Variants in PPM1L observed in about 807,000 individuals in gnomAD.
PPM1L encodes protein phosphatase 1L.
A neutral mutation model predicts 31.4 loss-of-function variants in PPM1L; 13 were observed. The observed-to-expected ratio is 0.41, with a 90% CI of 0.27 to 0.66. PPM1L has a LOEUF of 0.66. Among genes scored for constraint, PPM1L ranks in the 30% least tolerant of loss-of-function variants. The pLI is 0.29. For missense variants in PPM1L, 326 were observed against 453.7 expected (o/e 0.72, Z 2.56); for synonymous variants, 184 against 175.4 (o/e 1.05, Z -0.39).
intron 1 of PPM1L, among the ~76,000 whole-genome samples, chr3:160,774,243 CCTT>C (rs1421304318): frequency 6.6e-6 from 1 of 152,084 alleles, no homozygotes; most frequent in African/African-American, 2.4e-5. Context: ...TTTCCTTCTT[CCTT>C]CTTCATGCAA....
At chr3:160,969,671 C>A (rs1716260356) in intron 2 of PPM1L, among the ~76,000 whole-genome samples, 1 of 152,156 alleles carries the variant, frequency 6.6e-6, no homozygotes, top group Non-Finnish European at 1.5e-5. Context: ...ATCAGGACCC[C>A]ATTTCTTAGC....
chr3:160,944,442 C>G (rs564903237), intron 1 of PPM1L, among the ~76,000 whole-genome samples: 345 of 151,020 alleles, frequency 2.3e-3, no homozygotes, highest in African/African-American at 8.2e-3. Context: ...TTTATAATGT[C>G]TGGGTGTATT....
intron 2 of PPM1L, among the ~76,000 whole-genome samples, chr3:161,003,255 T>C (rs1717570344): frequency 2.0e-5 from 3 of 149,908 alleles, no homozygotes; most frequent in Admixed American, 6.6e-5. Context: ...TGTAGTATAG[T>C]TTGAAGTCAG....
intron 1 of PPM1L, among the ~76,000 whole-genome samples, chr3:160,835,369 G>A (rs1055331407): frequency 9.9e-5 from 15 of 151,352 alleles, no homozygotes; most frequent in African/African-American, 3.4e-4. Context: ...CCTTACTGAG[G>A]CTGTGATCTG....
At chr3:160,802,892 C>A (rs1302605375) in intron 1 of PPM1L, among the ~76,000 whole-genome samples, 2 of 152,148 alleles carry the variant, frequency 1.3e-5, no homozygotes, top group Non-Finnish European at 2.9e-5. Context: ...TTAAAAATCT[C>A]ACTACTCATG....
chr3:160,996,372 AAAATACGG>A (rs1157413967), intron 2 of PPM1L, among the ~76,000 whole-genome samples: 1 of 152,230 alleles, frequency 6.6e-6, no homozygotes, highest in African/African-American at 2.4e-5. Context: ...CACAATTGCA[AAAATACGG>A]AACCCACCCA....
chr3:161,047,188 AC>A (rs1377148357), intron 2 of PPM1L, among the ~76,000 whole-genome samples: 1 of 152,074 alleles, frequency 6.6e-6, no homozygotes, highest in Non-Finnish European at 1.5e-5. Flanking sequence ...TATTTAGAAA[AC>A]CCCGTCATCT....
At chr3:161,032,873 T>C (rs1718618609) in intron 2 of PPM1L, among the ~76,000 whole-genome samples, 1 of 147,766 alleles carries the variant, frequency 6.8e-6, no homozygotes, top group Non-Finnish European at 1.5e-5. Flanking sequence ...TGTATTTTTT[T>C]TTTTTTTTTT....
intron 1 of PPM1L, among the ~76,000 whole-genome samples, chr3:160,833,377 CT>C (rs1361730038): frequency 6.6e-6 from 1 of 152,216 alleles, no homozygotes; most frequent in Non-Finnish European, 1.5e-5. Context: ...GATGGTTGAA[CT>C]AATTTACATT....
intron 2 of PPM1L, among the ~76,000 whole-genome samples, chr3:161,005,068 A>T (rs1030942266): frequency 6.6e-6 from 1 of 152,102 alleles, no homozygotes; most frequent in Non-Finnish European, 1.5e-5. Context: ...TTCAAAGAAC[A>T]TCTTTATTTC....
intron 1 of PPM1L, among the ~76,000 whole-genome samples, chr3:160,762,565 TA>T (rs946479801): frequency 3.3e-5 from 5 of 151,958 alleles, no homozygotes; most frequent in African/African-American, 4.8e-5. Context: ...GAGCTTTTTT[TA>T]AAAAAAATAG....
At chr3:160,827,603 A>G (rs1296163719) in intron 1 of PPM1L, among the ~76,000 whole-genome samples, 1 of 152,078 alleles carries the variant, frequency 6.6e-6, no homozygotes, top group Non-Finnish European at 1.5e-5. Flanking sequence ...GAGTTAAGAT[A>G]GAAAGTATAA....
At chr3:161,058,145 C>T (rs1445729517) in intron 2 of PPM1L, among the ~76,000 whole-genome samples, 9 of 3,074 alleles carry the variant, frequency 2.9e-3, no homozygotes, top group Non-Finnish European at 4.2e-3. Context: ...TTTTTTTTGA[C>T]GCAGAGTCTC....
intron 2 of PPM1L, among the ~76,000 whole-genome samples, chr3:161,011,258 G>T (rs567818146): frequency 6.6e-6 from 1 of 152,096 alleles, no homozygotes; most frequent in South Asian, 2.1e-4. Flanking sequence ...TCCCAGCACC[G>T]TTTATTAAAT....
chr3:160,887,542 A>C (rs62270272), intron 1 of PPM1L, among the ~76,000 whole-genome samples: 56,784 of 151,474 alleles, frequency 0.37, 13,572 homozygotes, highest in Non-Finnish European at 0.54. Context: ...GAAACTCTAC[A>C]AGCCAGAAGA....
chr3:161,046,110 C>CCAAAAA (rs1719055901), intron 2 of PPM1L, among the ~76,000 whole-genome samples: 1 of 50,304 alleles, frequency 2.0e-5, no homozygotes, highest in Non-Finnish European at 3.1e-5. Context: ...GACTCTGTCT[C>CCAAAAA]AAAAAAAAAA....
intron 1 of PPM1L, among the ~76,000 whole-genome samples, chr3:160,835,638 T>G (rs1713693232): frequency 6.6e-6 from 1 of 152,146 alleles, no homozygotes; most frequent in Non-Finnish European, 1.5e-5. Context: ...CACTCCTCTC[T>G]ACCACAGACT....
At chr3:160,906,834 G>A (rs1247252203) in intron 1 of PPM1L, among the ~76,000 whole-genome samples, 2 of 152,186 alleles carry the variant, frequency 1.3e-5, no homozygotes, top group Non-Finnish European at 2.9e-5. Context: ...ACTGTTTGTT[G>A]GCTGGGGGCC....
intron 1 of PPM1L, among the ~76,000 whole-genome samples, chr3:160,912,333 T>A (rs1714004543): frequency 6.6e-6 from 1 of 152,210 alleles, no homozygotes; most frequent in South Asian, 2.1e-4. Context: ...TAATCTTTTA[T>A]ATCTGTTGGT....
Sources: allele counts gnomAD v4.1 joint callset (sites outside exome capture counted in the v4.1 genomes callset), GRCh38; gene constraint gnomAD v4.1.1; transcripts MANE v1.5; gene names NCBI Gene and HGNC (gene_info 2026-07-23, HGNC 2026-07-21).